The following CDRT4 variants were observed in gnomAD, a reference collection of about 807,000 sequenced individuals.
The protein encoded by CDRT4 is CMT1A duplicated region transcript 4 protein.
For missense variants in CDRT4, 167 were observed against 193.1 expected (o/e 0.87, Z 0.80); for synonymous variants, 64 against 69.6 (o/e 0.92, Z 0.40).
At chr17:15,446,513 A>G (rs1409161848) in intron 2 of CDRT4, among the ~76,000 whole-genome samples, 4 of 151,996 alleles carry the variant, frequency 2.6e-5, no homozygotes, top group Non-Finnish European at 4.4e-5. Context: ...CCCTCTCCCT[A>G]TGCAATAATT....
rs1978514082 is a variant in CDRT4, at chr17:15,436,892, G to A, written c.*881C>T. ...AAACCACATTCTGGCTTTGTGCCCT[G>A]ATAGGCTCAGCCCCCAGGGGGAGCT... On this transcript the variant is annotated 3_prime_UTR_variant, in exon 4 of 4. Coordinates refer to ENST00000619038, the MANE Select transcript of CDRT4 (RefSeq NM_001204477.2). 1 of 152,168 alleles carries A rather than the reference G, an allele frequency of 6.6e-6. No individual in the cohort carries two copies. Among genetic ancestry groups the A allele is most frequent in the Non-Finnish European group, 1.5e-5 (1 of 68,030 alleles). The allele number at this position is 152,168 out of a possible 1,614,324, so 9.4% of individuals were successfully genotyped here.
At chr17:15,462,387 C>T (rs1039251907) in intron 1 of CDRT4, among the ~76,000 whole-genome samples, 5 of 147,284 alleles carry the variant, frequency 3.4e-5, no homozygotes, top group African/African-American at 1.3e-4. Context: ...GAGATCACAC[C>T]ACTGCACTCC....
intron 2 of CDRT4, among the ~76,000 whole-genome samples, chr17:15,440,631 A>C (rs1392883730): frequency 6.6e-6 from 1 of 152,158 alleles, no homozygotes; most frequent in Non-Finnish European, 1.5e-5. Flanking sequence ...CCCCGTTTCA[A>C]AACCTTTCTA....
chr17:15,438,041 G>T lies in CDRT4; in HGVS notation c.191C>A (p.Ala64Glu). Reference protein sequence around the residue: ...CMRALEERPWASRQNKPSSVI... With the variant: ...CMRALEERPWESRQNKPSSVI... Reference sequence around the variant, plus strand: ...GCTGGAAGGTTTATTCTGCCTTGATGCCCAGGGTCTTTCCTCGAGGGCACG... The same window carrying T: ...GCTGGAAGGTTTATTCTGCCTTGATTCCCAGGGTCTTTCCTCGAGGGCACG... The change falls in exon 4 of 4, where the codon GCA becomes GAA. Residue 64 changes from alanine (A) to glutamate (E), a missense_variant. Transcript: ENST00000619038. 1 of 1,614,154 alleles carries T rather than the reference G, an allele frequency of 6.2e-7. No homozygotes were observed. Among genetic ancestry groups the T allele is most frequent in the Non-Finnish European group, 8.5e-7 (1 of 1,180,044 alleles).
rs1979919275 is a variant in CDRT4, at chr17:15,464,795, C to T, written c.-130+2665G>A. 6.6e-6 allele frequency among the ~76,000 whole-genome samples: 1 copy of T among 152,146 alleles called. No individual in the cohort carries two copies. Among genetic ancestry groups the T allele is most frequent in the East Asian group, 1.9e-4 (1 of 5,196 alleles). On this transcript the variant is annotated intron_variant, in intron 1 of 3. Transcript: ENST00000619038. This position sits in a 1 kb window ranked among gnomAD's most constrained non-coding sequence, Gnocchi z 4.5. ...TCCCCCAGCGAATGGCCCATACCAGCGGTTGCTCTTTCACTCACTCCAGCC... is the reference window on the plus strand; with the variant it reads ...TCCCCCAGCGAATGGCCCATACCAGTGGTTGCTCTTTCACTCACTCCAGCC...
chr17:15,446,572 C>T (rs774505268), intron 2 of CDRT4, among the ~76,000 whole-genome samples: 15 of 152,148 alleles, frequency 9.9e-5, no homozygotes, highest in Non-Finnish European at 2.2e-4. Flanking sequence ...AACGAACACA[C>T]ACACAAAGGA....
chr17:15,462,320 C>T lies in CDRT4; in HGVS notation c.-130+5140G>A, dbSNP rs1416401107. ...GCGGGCACCTGTAGTCCCAGCTACT[C>T]GGGAGGCTGAGTCAGGAGAATGGCG... On this transcript the variant is annotated intron_variant, in intron 1 of 3. Coordinates refer to ENST00000619038, the MANE Select transcript of CDRT4 (RefSeq NM_001204477.2). 3.4e-5 allele frequency among the ~76,000 whole-genome samples: 5 copies of T among 147,172 alleles called. 1 individual carries two copies. The highest frequency in any genetic ancestry group is 1.4e-4 in the Admixed American group (2 of 14,314).
At chr17:15,439,186 T>C (rs1255083383) in intron 3 of CDRT4, 2 of 455,986 alleles carry the variant, frequency 4.4e-6, no homozygotes, top group East Asian at 1.4e-4. Context: ...CTTTCCCTAA[T>C]TCTATATTTC....
chr17:15,437,966 A>G lies in CDRT4; in HGVS notation c.266T>C (p.Val89Ala), dbSNP rs1298053375. Residue 89 changes from valine (V) to alanine (A), a missense_variant, in exon 4 of 4, where the codon GTG (valine) becomes GCG (alanine). Val to Ala is a moderately conservative substitution (Grantham distance 64, BLOSUM62 0). Transcript: ENST00000619038. ...GGATTCTGACAGCGTGTCCCTGAAC[A>G]CAGCTTTGCCAGAAGACTTGGAAGA... ...RKSSKSSGKAVFRDTLSESTL... is the reference protein window; with the variant it reads ...RKSSKSSGKAAFRDTLSESTL... 1.2e-6 allele frequency: 2 copies of G among 1,614,214 alleles called. No homozygotes were observed. Among genetic ancestry groups the G allele is most frequent in the Admixed American group, 1.7e-5 (1 of 60,022 alleles).
chr17:15,440,425 GT>G, intron 2 of CDRT4, 140 bp from the exon 3 acceptor site: 2 of 986,586 alleles, frequency 2.0e-6, no homozygotes, highest in Non-Finnish European at 3.0e-6. Context: ...AAGAGGACAT[GT>G]TTTTTGTGGA....
intron 2 of CDRT4, among the ~76,000 whole-genome samples, chr17:15,452,246 C>G (rs1306489117): frequency 6.6e-6 from 1 of 152,232 alleles, no homozygotes; most frequent in African/African-American, 2.4e-5. Flanking sequence ...CTATCTCTCT[C>G]TGAGCCTTAA....
At chr17:15,459,486 C>G (rs1979649528) in intron 1 of CDRT4, among the ~76,000 whole-genome samples, 1 of 140,960 alleles carries the variant, frequency 7.1e-6, no homozygotes, top group Non-Finnish European at 1.5e-5. Flanking sequence ...GCTCTGTCAC[C>G]TAGGCTGGAG....
At chr17:15,446,862 G>A (rs577776463) in intron 2 of CDRT4, among the ~76,000 whole-genome samples, 9 of 152,158 alleles carry the variant, frequency 5.9e-5, no homozygotes, top group African/African-American at 1.9e-4. Context: ...ATATGTGTAC[G>A]TTGAGGGCAT....
chr17:15,438,038 G>A lies in CDRT4; in HGVS notation c.194C>T (p.Ser65Leu). The change falls in exon 4 of 4, where the codon TCA becomes TTA. Residue 65 changes from serine to leucine, a missense_variant. Coordinates refer to ENST00000619038, the MANE Select transcript of CDRT4 (RefSeq NM_001204477.2). ...MRALEERPWA[S>L]RQNKPSSVIQ... ...GACGCTGGAAGGTTTATTCTGCCTT[G>A]ATGCCCAGGGTCTTTCCTCGAGGGC... The A allele has an allele frequency of 6.2e-7, 1 of 1,614,144 alleles. No homozygotes were observed. Among genetic ancestry groups the A allele is most frequent in the Non-Finnish European group, 8.5e-7 (1 of 1,180,032 alleles).
At chr17:15,443,948 T>C in intron 2 of CDRT4, 1 of 675,174 alleles carries the variant, frequency 1.5e-6, no homozygotes, top group Non-Finnish European at 2.8e-6. Flanking sequence ...TCCAGGAGAA[T>C]GGGTCTCCTG....
chr17:15,448,794 C>T (rs2150790582), intron 2 of CDRT4, among the ~76,000 whole-genome samples: 1 of 152,316 alleles, frequency 6.6e-6, no homozygotes, highest in East Asian at 1.9e-4. Flanking sequence ...CTCCTGAGCG[C>T]TGTCCTCTGC....
intron 1 of CDRT4, among the ~76,000 whole-genome samples, chr17:15,454,374 C>T (rs1234134630): frequency 6.6e-6 from 1 of 152,124 alleles, no homozygotes; most frequent in Non-Finnish European, 1.5e-5. Context: ...CAACAGGCAG[C>T]AATACACACA....
At chr17:15,455,697 G>A (rs1979454763) in intron 1 of CDRT4, among the ~76,000 whole-genome samples, 1 of 152,200 alleles carries the variant, frequency 6.6e-6, no homozygotes, top group Non-Finnish European at 1.5e-5. Flanking sequence ...AAGGAACTAA[G>A]GGAGTTTTCC....
At chr17:15,465,128 CACAGAT>C (rs1374534945) in intron 1 of CDRT4, among the ~76,000 whole-genome samples, 1 of 108,668 alleles carries the variant, frequency 9.2e-6, no homozygotes, top group Non-Finnish European at 1.7e-5. Context: ...CACACCAACA[CACAGAT>C]ACAAACACAG....
Sources: gnomAD v4.1 joint callset for allele counts (sites outside exome capture counted in the v4.1 genomes callset) on GRCh38, gnomAD v4.1.1 for gene constraint, Gnocchi (gnomAD v3.1) non-coding constraint, MANE v1.5 for transcripts, NCBI Gene and HGNC (gene_info 2026-07-23, HGNC 2026-07-21) for gene names.